The following SVIL variants were observed in gnomAD, a reference collection of about 807,000 sequenced individuals.
SVIL encodes the protein supervillin, also known as archvillin.
A neutral mutation model predicts 240.4 loss-of-function variants in SVIL; 101 were observed. The observed-to-expected ratio is 0.42, with a 90% CI of 0.36 to 0.50. SVIL has a LOEUF of 0.50. Among genes scored for constraint, SVIL ranks in the 20% least tolerant of loss-of-function variants. The pLI is 0.01. For synonymous variants in SVIL, 999 were observed against 1,100.0 expected, an observed-to-expected ratio of 0.91 and a Z score of 1.82; for missense variants, 2,512 against 2,818.7, an observed-to-expected ratio of 0.89 and a Z score of 2.46.
intron 1 of SVIL, among the ~76,000 whole-genome samples, chr10:29,726,128 C>T (rs1201982086): frequency 6.6e-6 from 1 of 151,978 alleles, no homozygotes; most frequent in East Asian, 2.0e-4. Context: ...TACTAAGTTG[C>T]CCAGGCTGGT....
At chr10:29,652,038 C>CAA (rs397954507) in intron 3 of SVIL, among the ~76,000 whole-genome samples, 2 of 151,852 alleles carry the variant, frequency 1.3e-5, no homozygotes, top group Non-Finnish European at 2.9e-5. Context: ...CACACACACA[C>CAA]CAGGCTTACT....
intron 1 of SVIL, chr10:29,711,852 C>T (rs1428393607): frequency 6.6e-6 from 1 of 151,338 alleles, no homozygotes; most frequent in Non-Finnish European, 1.5e-5. Flanking sequence ...AGCAGCTGGG[C>T]ACGGTGGCAC....
chr10:29,719,857 T>C (rs141235238), intron 1 of SVIL, among the ~76,000 whole-genome samples: 1,571 of 152,282 alleles, frequency 0.01, 22 homozygotes, highest in African/African-American at 0.035. Context: ...CACATGTAAT[T>C]GGATTCCACA....
intron 3 of SVIL, among the ~76,000 whole-genome samples, chr10:29,651,939 A>T (rs931769176): frequency 1.3e-5 from 2 of 152,060 alleles, no homozygotes; most frequent in Admixed American, 1.3e-4. Flanking sequence ...TTAATTCCTC[A>T]CTTGTCCTCA....
chr10:29,472,260 A>T (rs1256960942), intron 30 of SVIL, among the ~76,000 whole-genome samples: 1 of 152,264 alleles, frequency 6.6e-6, no homozygotes, highest in Non-Finnish European at 1.5e-5. Flanking sequence ...CTTTACAAAA[A>T]AATAAAGGGG....
At chr10:29,471,032 A>G (rs1945516644) in intron 31 of SVIL, 106 bp downstream of exon 31, 1 of 1,071,238 alleles carries the variant, frequency 9.3e-7, no homozygotes, top group Admixed American at 2.0e-5. Context: ...TCAGAGGTCG[A>G]GCCACAGCTA....
chr10:29,625,095 T>C (rs981833573), intron 1 of SVIL, among the ~76,000 whole-genome samples: 1 of 152,080 alleles, frequency 6.6e-6, no homozygotes, highest in African/African-American at 2.4e-5. Context: ...ACAGAAAGAT[T>C]ACAGACTCCA....
intron 27 of SVIL, chr10:29,483,394 C>T (rs1379653133): frequency 6.6e-6 from 1 of 152,204 alleles, no homozygotes; most frequent in East Asian, 1.9e-4. Flanking sequence ...GTAATCCTGG[C>T]TGCATCTTAA....
At chr10:29,524,167 C>A (rs140069357) in intron 14 of SVIL, 140 bp from the exon 15 acceptor site, 1 of 991,760 alleles carries the variant, frequency 1.0e-6, no homozygotes. Context: ...CATTCCTGGA[C>A]ATAGTTATAT....
At chr10:29,529,913 G>T in intron 11 of SVIL, 69 bp from the exon 12 acceptor site, 5 of 1,477,124 alleles carry the variant, frequency 3.4e-6, no homozygotes, top group Non-Finnish European at 4.5e-6. Flanking sequence ...GCTCACGCCT[G>T]TAATCCCAGC....
At chr10:29,652,018 A>AC (rs1958854265) in intron 3 of SVIL, among the ~76,000 whole-genome samples, 1 of 149,876 alleles carries the variant, frequency 6.7e-6, no homozygotes, top group Non-Finnish European at 1.5e-5. Flanking sequence ...CACACACACA[A>AC]ACACACACAC....
chr10:29,655,438 C>A (rs1369224577), intron 3 of SVIL, among the ~76,000 whole-genome samples: 1 of 152,134 alleles, frequency 6.6e-6, no homozygotes, highest in African/African-American at 2.4e-5. Flanking sequence ...GAAACAGAGC[C>A]AGAAGACCCA....
chr10:29,523,410 C>T (rs1170116065), intron 15 of SVIL, 41 bp downstream of exon 15: 1 of 1,526,864 alleles, frequency 6.5e-7, no homozygotes, highest in Non-Finnish European at 8.8e-7. Flanking sequence ...GAAACTAAAA[C>T]CCAGTGGCTT....
intron 2 of SVIL, among the ~76,000 whole-genome samples, chr10:29,685,932 G>A (rs4385793): frequency 0.22 from 33,845 of 152,024 alleles, 4,183 homozygotes; most frequent in East Asian, 0.37. Context: ...GGAGAGCTTC[G>A]TCCAGGCCAG....
intron 7 of SVIL, 54 bp from the exon 8 acceptor site, chr10:29,533,512 A>G (rs1951528858): frequency 1.3e-6 from 2 of 1,556,298 alleles, no homozygotes; most frequent in African/African-American, 2.7e-5. Context: ...GCCTCACAGG[A>G]GGAAAGCATG....
At chr10:29,499,585 C>CAGGGTTTTA (rs1322851744) in intron 17 of SVIL, among the ~76,000 whole-genome samples, 1 of 152,166 alleles carries the variant, frequency 6.6e-6, no homozygotes, top group Non-Finnish European at 1.5e-5. Flanking sequence ...CTGGACTCTA[C>CAGGGTTTTA]AGGGTTTTAA....
intron 1 of SVIL, among the ~76,000 whole-genome samples, chr10:29,720,478 TAAA>T (rs921617845): frequency 6.6e-6 from 1 of 152,012 alleles, no homozygotes; most frequent in African/African-American, 2.4e-5. Flanking sequence ...ATCAGACATA[TAAA>T]AATGGAATGA....
chr10:29,690,997 T>C (rs1961453793), intron 1 of SVIL, among the ~76,000 whole-genome samples: 1 of 152,222 alleles, frequency 6.6e-6, no homozygotes, highest in Non-Finnish European at 1.5e-5. Context: ...TCTAGTATCA[T>C]AAAACGCAAA....
At chr10:29,591,186 ATG>A (rs1170941893) in intron 1 of SVIL, among the ~76,000 whole-genome samples, 2 of 152,162 alleles carry the variant, frequency 1.3e-5, no homozygotes, top group Non-Finnish European at 2.9e-5. Flanking sequence ...GTGAAGTGAA[ATG>A]TGTTTACATG....
Sources: allele counts gnomAD v4.1 joint callset (sites outside exome capture counted in the v4.1 genomes callset), GRCh38; gene constraint gnomAD v4.1.1; transcripts MANE v1.5; gene names NCBI Gene and HGNC (gene_info 2026-07-23, HGNC 2026-07-21).